CGREF1: variants seen among roughly 807,000 people sequenced by gnomAD.
The protein encoded by CGREF1 is cell growth regulator with EF hand domain protein 1.
CGREF1 carries 16 observed loss-of-function variants against 17.4 expected under a neutral mutation model. The ratio of observed to expected loss-of-function variants is 0.92; its 90% CI spans 0.62 to 1.40. The LOEUF (loss-of-function observed/expected upper bound fraction) is 1.40, where lower values mean the gene tolerates loss of function less well. CGREF1 is among the 40% of genes most tolerant of loss of function. The probability of loss-of-function intolerance (pLI) is 0.00; values close to 1 mark genes in which losing one functional copy is unlikely to be tolerated. For missense variants in CGREF1, 296 were observed against 376.4 expected (o/e 0.79, Z 1.77); for synonymous variants, 142 against 154.6 (o/e 0.92, Z 0.61).
chr2:27,101,936 CAGG>C (rs1471309982), intron 5 of CGREF1, 48 bp from the exon 6 acceptor site: 1 of 1,594,190 alleles, frequency 6.3e-7, no homozygotes, highest in Non-Finnish European at 8.5e-7. Context: ...GAGATGTTCC[CAGG>C]AGTTCTGACC....
intron 1 of CGREF1, chr2:27,104,603 G>T (rs553568682): frequency 1.9e-6 from 3 of 1,550,622 alleles, no homozygotes; most frequent in Non-Finnish European, 2.6e-6. Context: ...ATAAAGGCAG[G>T]CCTGCTGTGG....
intron 1 of CGREF1, among the ~76,000 whole-genome samples, chr2:27,116,564 T>A (rs2148400865): frequency 6.7e-6 from 1 of 149,996 alleles, no homozygotes; most frequent in South Asian, 2.1e-4. Context: ...TGATGTGGAC[T>A]TTCAGTATAA....
intron 2 of CGREF1, among the ~76,000 whole-genome samples, chr2:27,103,380 CT>C (rs3072688): frequency 6.6e-6 from 1 of 150,876 alleles, no homozygotes; most frequent in Non-Finnish European, 1.5e-5. Flanking sequence ...ACCATAAGGT[CT>C]TTTTTTTTCT....
At chr2:27,115,453 C>T (rs1462920179) in intron 1 of CGREF1, among the ~76,000 whole-genome samples, 5 of 152,198 alleles carry the variant, frequency 3.3e-5, no homozygotes, top group Admixed American at 3.3e-4. Flanking sequence ...ACTTCAGTTA[C>T]CTTATCCACA....
chr2:27,105,572 A>C (rs1291031571), intron 1 of CGREF1, among the ~76,000 whole-genome samples: 1 of 150,812 alleles, frequency 6.6e-6, no homozygotes. Context: ...TTTGAGAAGG[A>C]GTCCTGCTCT....
chr2:27,099,372 G>T (rs1203023313), downstream of CGREF1: 6 of 1,611,896 alleles, frequency 3.7e-6, no homozygotes, highest in South Asian at 5.5e-5. Context: ...GAGGATGGCT[G>T]GGGGGACGGG....
intron 1 of CGREF1, chr2:27,111,053 G>A (rs540273751): frequency 6.6e-6 from 1 of 152,574 alleles, no homozygotes; most frequent in East Asian, 1.9e-4. Context: ...ATTGCAAAGA[G>A]CGAAAGAACA....
chr2:27,107,548 C>T (rs964198425), intron 1 of CGREF1, among the ~76,000 whole-genome samples: 2 of 151,680 alleles, frequency 1.3e-5, no homozygotes, highest in Non-Finnish European at 2.9e-5. Context: ...TCACCGCACC[C>T]GGCCAGTTCA....
At chr2:27,107,254 T>TTTTTTG (rs112330663) in intron 1 of CGREF1, among the ~76,000 whole-genome samples, 1 of 151,356 alleles carries the variant, frequency 6.6e-6, no homozygotes, top group African/African-American at 2.4e-5. Flanking sequence ...GTTCACATTT[T>TTTTTTG]TTTTGTTTTG....
chr2:27,099,940 C>G (rs923139613), downstream of CGREF1: 6 of 1,291,852 alleles, frequency 4.6e-6, no homozygotes, highest in Middle Eastern at 2.6e-4. Flanking sequence ...GATGCAGAGC[C>G]TCAGAGCAAA....
chr2:27,105,521 T>C (rs1287264561), intron 1 of CGREF1, among the ~76,000 whole-genome samples: 7 of 150,524 alleles, frequency 4.7e-5, no homozygotes, highest in Admixed American at 2.7e-4. Flanking sequence ...TGAAGCTACC[T>C]AGAGTCACAG....
intron 2 of CGREF1, 75 bp downstream of exon 2, chr2:27,104,212 G>A: frequency 6.9e-7 from 1 of 1,440,690 alleles, no homozygotes; most frequent in Non-Finnish European, 9.3e-7. Context: ...CTCCCAGAGG[G>A]CCCACCACAC....
chr2:27,105,546 C>CT lies in CGREF1; in HGVS notation c.-11-1170dup, dbSNP rs978405015. 8.2e-4 allele frequency among the ~76,000 whole-genome samples: 7 copies of CT among 8,558 alleles called. No individual in the cohort carries two copies. In the Admixed American group the frequency reaches 9.7e-3, roughly 12 times the overall value. The allele number at this position is 8,558 out of a possible 152,430, so 5.6% of individuals were successfully genotyped here. On this transcript the variant is annotated intron_variant, in intron 1 of 5. Coordinates refer to ENST00000402394, the MANE Select transcript of CGREF1 (RefSeq NM_006569.6). Reference sequence around the variant, plus strand: ...TAGAGTCACAGAACCTGTCATTTTTCTTTTTTTTCTTTTTTTTTGAGAAGG... The same window carrying CT: ...TAGAGTCACAGAACCTGTCATTTTTCTTTTTTTTTCTTTTTTTTTGAGAAGG...
At position 27,101,049 on chromosome 2, in the gene CGREF1, C is replaced by G. The variant is rs1670793127; in HGVS notation, c.*225G>C. 7.5e-7 allele frequency: 1 copy of G among 1,329,806 alleles called. No homozygotes were observed. Among genetic ancestry groups the G allele is most frequent in the Admixed American group, 3.7e-5 (1 of 26,888 alleles). 82.4% of individuals were successfully genotyped at this position (1,329,806 alleles called of 1,614,324 possible). ...GTTCCTCTGAGAGGGTCTGGGCAGG[C>G]TGGACGGGTAGAGAGGTGGCCGGGG... On this transcript the variant is annotated 3_prime_UTR_variant, in exon 6 of 6. Coordinates refer to ENST00000402394, the MANE Select transcript of CGREF1 (RefSeq NM_006569.6).
In CGREF1 at chr2:27,102,086, G is replaced by C. The variant is rs777935095; in HGVS notation, c.342+11C>G. On this transcript the variant is annotated intron_variant, in intron 5 of 5. Transcript: ENST00000402394. ...TCCTTTATGCGGGGATCTCCATCCA[G>C]CAGAGCTTACCGGGTTGGTGGTAGG... The C allele has an allele frequency of 1.9e-6, 3 of 1,598,654 alleles. No homozygotes were observed. In the East Asian group the frequency reaches 6.7e-5, roughly 36 times the overall value.
chr2:27,109,145 G>A (rs1671248790), intron 1 of CGREF1, among the ~76,000 whole-genome samples: 1 of 152,098 alleles, frequency 6.6e-6, no homozygotes, highest in Admixed American at 6.5e-5. Flanking sequence ...TGAGGTGGAA[G>A]GATCTCCTGA....
In CGREF1 at chr2:27,101,602, C is replaced by T. The variant is rs1558457447; in HGVS notation, c.629G>A (p.Gly210Asp). 2 of 1,613,878 alleles carry T rather than the reference C, an allele frequency of 1.2e-6. No homozygotes were observed. The highest frequency in any genetic ancestry group is 1.7e-6 in the Non-Finnish European group (2 of 1,180,032). ...ESLDPVQEPG[G>D]QAEADGDVPG... ...AACATCTCCATCAGCCTCTGCCTGG[C>T]CCCCAGGCTCCTGGACAGGATCCAA... The change falls in exon 6 of 6, where the codon GGC becomes GAC. Residue 210 changes from glycine to aspartate, a missense_variant. Gly to Asp is a moderately conservative substitution (Grantham distance 94). Transcript: ENST00000402394.
chr2:27,104,641 AC>A, intron 1 of CGREF1: 1 of 1,550,318 alleles, frequency 6.5e-7, no homozygotes, highest in Non-Finnish European at 8.7e-7. Flanking sequence ...GCGCATCCCC[AC>A]CCCACGCCCC....
At chr2:27,116,630 C>T (rs1191401604) in intron 1 of CGREF1, among the ~76,000 whole-genome samples, 21 of 151,224 alleles carry the variant, frequency 1.4e-4, no homozygotes, top group African/African-American at 2.9e-4. Context: ...AGTGCAATGG[C>T]GCGATCTCAG....
Sources: allele counts gnomAD v4.1 joint callset (sites outside exome capture counted in the v4.1 genomes callset), GRCh38; gene constraint gnomAD v4.1.1; transcripts MANE v1.5; gene names NCBI Gene and HGNC (gene_info 2026-07-23, HGNC 2026-07-21).